The following FAM174B variants were observed in gnomAD, a reference collection of about 807,000 sequenced individuals.
The protein encoded by FAM174B is family with sequence similarity 174 member B, also known as membrane protein FAM174B.
In FAM174B, 12 loss-of-function variants were observed where a neutral mutation model predicts 10.9. The ratio of observed to expected loss-of-function variants is 1.10; its 90% CI spans 0.71 to 1.79. The LOEUF is 1.79. FAM174B is among the 40% of genes most tolerant of loss of function. FAM174B has a pLI of 0.00. For synonymous variants in FAM174B, 132 were observed against 115.8 expected, an observed-to-expected ratio of 1.14 and a Z score of -0.90; for missense variants, 266 against 233.3, an observed-to-expected ratio of 1.14 and a Z score of -0.91.
Position 92,619,351 on chromosome 15 carries a change from G to C in FAM174B, c.*105C>G, listed in dbSNP as rs558896297. On this transcript the variant is annotated 3_prime_UTR_variant, in exon 3 of 3. Transcript: ENST00000327355. ...GGTTTTATACATAACGTTCGTTTTGGTTTCAACACCTCCGACGCAAGAGGG... is the reference window on the plus strand; with the variant it reads ...GGTTTTATACATAACGTTCGTTTTGCTTTCAACACCTCCGACGCAAGAGGG... 1 of 1,385,686 alleles carries C rather than the reference G, an allele frequency of 7.2e-7. No individual in the cohort carries two copies. The highest frequency in any genetic ancestry group is 2.3e-5 in the East Asian group (1 of 43,654). The allele number at this position is 1,385,686 out of a possible 1,614,324, so 85.8% of individuals were successfully genotyped here.
chr15:92,651,713 A>C (rs559493173), intron 1 of FAM174B, among the ~76,000 whole-genome samples: 2 of 152,352 alleles, frequency 1.3e-5, no homozygotes, highest in Admixed American at 6.5e-5. Flanking sequence ...TTCACTATCA[A>C]ACAGAGCTTC....
At chr15:92,623,984 T>A (rs1435518946) in intron 2 of FAM174B, among the ~76,000 whole-genome samples, 1 of 152,222 alleles carries the variant, frequency 6.6e-6, no homozygotes, top group Admixed American at 6.5e-5. Flanking sequence ...TTCCTTTTTG[T>A]TTATTTGATC....
intron 1 of FAM174B, among the ~76,000 whole-genome samples, chr15:92,635,097 C>CCTCTCT (rs548982533): frequency 2.0e-4 from 19 of 93,244 alleles, no homozygotes; most frequent in South Asian, 7.4e-4. Context: ...TTACGATAAG[C>CCTCTCT]CTCTCTCTCT....
At chr15:92,643,010 T>C (rs2050901459) in intron 1 of FAM174B, among the ~76,000 whole-genome samples, 1 of 152,214 alleles carries the variant, frequency 6.6e-6, no homozygotes, top group Non-Finnish European at 1.5e-5. Flanking sequence ...CAGAGACACA[T>C]AGAGATTAAC....
At chr15:92,628,287 C>T (rs529192226) in intron 2 of FAM174B, among the ~76,000 whole-genome samples, 4 of 151,362 alleles carry the variant, frequency 2.6e-5, no homozygotes, top group Non-Finnish European at 4.4e-5. Flanking sequence ...ACCTCAGCCT[C>T]CCAAGTAGCT....
intron 1 of FAM174B, among the ~76,000 whole-genome samples, chr15:92,645,145 T>C (rs1479250505): frequency 6.6e-6 from 1 of 152,268 alleles, no homozygotes; most frequent in Non-Finnish European, 1.5e-5. Flanking sequence ...GATGTAATGA[T>C]ATGCACGTTC....
intron 2 of FAM174B, among the ~76,000 whole-genome samples, chr15:92,629,952 A>G (rs976841403): frequency 2.6e-5 from 4 of 152,102 alleles, no homozygotes; most frequent in African/African-American, 7.2e-5. Context: ...GCCTTCCACC[A>G]TGATTGTGAG....
intron 1 of FAM174B, among the ~76,000 whole-genome samples, chr15:92,635,866 C>T (rs1320202864): frequency 6.6e-6 from 1 of 152,112 alleles, no homozygotes; most frequent in African/African-American, 2.4e-5. Flanking sequence ...CAGGCATGAG[C>T]CACCGCACCC....
At chr15:92,643,796 C>A (rs1323848750) in intron 1 of FAM174B, among the ~76,000 whole-genome samples, 2 of 152,098 alleles carry the variant, frequency 1.3e-5, no homozygotes, top group Non-Finnish European at 2.9e-5. Context: ...TTTAAGCCCA[C>A]TAAAGTAGTT....
intron 1 of FAM174B, among the ~76,000 whole-genome samples, chr15:92,638,593 A>G (rs1467975028): frequency 6.6e-6 from 1 of 152,230 alleles, no homozygotes; most frequent in Non-Finnish European, 1.5e-5. Flanking sequence ...ACTGAGGTTC[A>G]GGGGTCAGCC....
chr15:92,620,906 G>A (rs1732431094), intron 2 of FAM174B, among the ~76,000 whole-genome samples: 1 of 151,154 alleles, frequency 6.6e-6, no homozygotes, highest in Non-Finnish European at 1.5e-5. Context: ...AGTTAAAGCT[G>A]CCACCATCAC....
intron 1 of FAM174B, among the ~76,000 whole-genome samples, chr15:92,649,449 T>C (rs1244950127): frequency 1.3e-5 from 2 of 152,212 alleles, no homozygotes; most frequent in African/African-American, 4.8e-5. Flanking sequence ...TCCTCATTTA[T>C]GGACAGAAGC....
rs146728810 is a variant in FAM174B, at chr15:92,619,419, A to T, written c.*37T>A. ...TCACACCCCAGGTTGCAGCTGACCA[A>T]CTTTCCACAGGATGCCACCAGGCTG... On this transcript the variant is annotated 3_prime_UTR_variant, in exon 3 of 3. Coordinates refer to ENST00000327355, the MANE Select transcript of FAM174B (RefSeq NM_207446.3). 6.2e-7 allele frequency: 1 copy of T among 1,613,892 alleles called. No homozygotes were observed. The highest frequency in any genetic ancestry group is 1.1e-5 in the South Asian group (1 of 91,054).
rs754828950 is a variant in FAM174B, at chr15:92,617,716, C to CCACT, written c.*1736_*1739dup. 32 of 680,936 alleles carry CCACT rather than the reference C, an allele frequency of 4.7e-5. No homozygotes were observed. In the South Asian group the frequency reaches 4.9e-4, roughly 11 times the overall value. The allele number at this position is 680,936 out of a possible 1,614,324, so 42.2% of individuals were successfully genotyped here. A position where few individuals can be genotyped will look rare whatever the true frequency, so the allele number is the denominator to read the frequency against. On this transcript the variant is annotated 3_prime_UTR_variant, in exon 3 of 3. Coordinates refer to ENST00000327355, the MANE Select transcript of FAM174B (RefSeq NM_207446.3). ...GAGGTGGCCAGGCTCCCGTGAGTCA[C>CCACT]CACTCAGGCCTGAGTACACCGTGGA...
chr15:92,641,997 G>T (rs1186199443), intron 1 of FAM174B, among the ~76,000 whole-genome samples: 1 of 152,142 alleles, frequency 6.6e-6, no homozygotes, highest in Admixed American at 6.5e-5. Flanking sequence ...AATGTAAAAT[G>T]GGCAAAAGAC....
chr15:92,625,820 TC>T, intron 2 of FAM174B, among the ~76,000 whole-genome samples: 1 of 152,334 alleles, frequency 6.6e-6, no homozygotes, highest in Admixed American at 6.5e-5. Flanking sequence ...CACTACTTAG[TC>T]TTTCCGAACA....
At chr15:92,642,454 CTTGAA>C (rs1271961672) in intron 1 of FAM174B, among the ~76,000 whole-genome samples, 1 of 152,202 alleles carries the variant, frequency 6.6e-6, no homozygotes, top group Non-Finnish European at 1.5e-5. Context: ...CAAAGCTCAT[CTTGAA>C]TTGTAGTTCC....
At chr15:92,639,673 A>C (rs367948821) in intron 1 of FAM174B, among the ~76,000 whole-genome samples, 4 of 152,234 alleles carry the variant, frequency 2.6e-5, no homozygotes, top group African/African-American at 9.6e-5. Flanking sequence ...ACGGTTTGGC[A>C]CCATCCTCTT....
intron 1 of FAM174B, among the ~76,000 whole-genome samples, chr15:92,636,515 G>A (rs2050857123): frequency 6.6e-6 from 1 of 152,214 alleles, no homozygotes; most frequent in Non-Finnish European, 1.5e-5. Flanking sequence ...GGCAGAGCTA[G>A]GGTTTGAAGC....
Sources: allele counts gnomAD v4.1 joint callset (sites outside exome capture counted in the v4.1 genomes callset), GRCh38; gene constraint gnomAD v4.1.1; transcripts MANE v1.5; gene names NCBI Gene and HGNC (gene_info 2026-07-23, HGNC 2026-07-21).